Variants in GALNTL6 observed in about 807,000 individuals in gnomAD.
GALNTL6 encodes the protein polypeptide N-acetylgalactosaminyltransferase like 6.
GALNTL6 carries 46 observed loss-of-function variants against 73.7 expected under a neutral mutation model. That is an observed-to-expected ratio of 0.62 (90% confidence interval 0.49 to 0.80). The LOEUF is 0.80. GALNTL6 is among the 30% of genes least tolerant of loss of function. GALNTL6 has a pLI of 0.00. For missense variants in GALNTL6, 604 were observed against 755.0 expected (o/e 0.80, Z 2.34); for synonymous variants, 259 against 263.7 (o/e 0.98, Z 0.17).
At chr4:171,897,815 C>G (rs1736970734) in intron 2 of GALNTL6, among the ~76,000 whole-genome samples, 2 of 151,072 alleles carry the variant, frequency 1.3e-5, no homozygotes, top group Non-Finnish European at 2.9e-5. Context: ...ATAATCCCAG[C>G]TACTCGGGAG....
At chr4:172,290,479 T>G (rs543166254) in intron 3 of GALNTL6, among the ~76,000 whole-genome samples, 59 of 152,266 alleles carry the variant, frequency 3.9e-4, no homozygotes, top group African/African-American at 1.4e-3. Context: ...GAATCTCACC[T>G]AGCCCTTAGG....
At chr4:171,882,928 G>A (rs1316778492) in intron 2 of GALNTL6, among the ~76,000 whole-genome samples, 1 of 152,174 alleles carries the variant, frequency 6.6e-6, no homozygotes, top group Non-Finnish European at 1.5e-5. Context: ...CAGTAAATTG[G>A]TAATGCAATT....
At chr4:172,481,243 C>T (rs1005978863) in intron 5 of GALNTL6, among the ~76,000 whole-genome samples, 1 of 150,648 alleles carries the variant, frequency 6.6e-6, no homozygotes, top group South Asian at 2.1e-4. Flanking sequence ...TTCCTCCCGA[C>T]CCGAGTTGTT....
At chr4:171,985,651 C>A (rs570396744) in intron 2 of GALNTL6, among the ~76,000 whole-genome samples, 58 of 152,040 alleles carry the variant, frequency 3.8e-4, no homozygotes, top group Middle Eastern at 3.4e-3. Flanking sequence ...GAATTCCAGG[C>A]ATTTTGATGT....
At chr4:172,700,606 A>G (rs1284679063) in intron 5 of GALNTL6, among the ~76,000 whole-genome samples, 1 of 152,122 alleles carries the variant, frequency 6.6e-6, no homozygotes, top group African/African-American at 2.4e-5. Context: ...TTCCACAATC[A>G]GCCATCCAGT....
At chr4:172,665,822 TTTG>T (rs1323821227) in intron 5 of GALNTL6, among the ~76,000 whole-genome samples, 4 of 152,206 alleles carry the variant, frequency 2.6e-5, no homozygotes, top group Non-Finnish European at 5.9e-5. Context: ...ACTAATGATT[TTTG>T]TTATTTTTTT....
chr4:172,496,523 C>T (rs1734077360), intron 5 of GALNTL6, among the ~76,000 whole-genome samples: 1 of 151,754 alleles, frequency 6.6e-6, no homozygotes, highest in African/African-American at 2.4e-5. Context: ...GATATCATAG[C>T]TACAAAATAA....
chr4:171,961,874 T>C (rs1263253880), intron 2 of GALNTL6, among the ~76,000 whole-genome samples: 1 of 152,208 alleles, frequency 6.6e-6, no homozygotes, highest in Non-Finnish European at 1.5e-5. Context: ...TAGAAAGCCT[T>C]CTTAATTAGT....
intron 10 of GALNTL6, among the ~76,000 whole-genome samples, chr4:172,963,042 C>G (rs1750155487): frequency 6.6e-6 from 1 of 152,112 alleles, no homozygotes; most frequent in Non-Finnish European, 1.5e-5. Context: ...CTATAAGATT[C>G]TAAACAATCT....
chr4:172,589,100 G>A (rs1737539131), intron 5 of GALNTL6, among the ~76,000 whole-genome samples: 1 of 152,084 alleles, frequency 6.6e-6, no homozygotes, highest in South Asian at 2.1e-4. Context: ...AGAAAAATAT[G>A]TATGGAACAT....
At chr4:171,979,365 A>G (rs866737617) in intron 2 of GALNTL6, among the ~76,000 whole-genome samples, 1 of 152,218 alleles carries the variant, frequency 6.6e-6, no homozygotes, top group Non-Finnish European at 1.5e-5. Flanking sequence ...CTTTCAAAAC[A>G]TATAACAATG....
chr4:172,156,190 T>A (rs1041680795), intron 2 of GALNTL6, among the ~76,000 whole-genome samples: 21 of 152,046 alleles, frequency 1.4e-4, no homozygotes, highest in Non-Finnish European at 2.5e-4. Context: ...TGCTACGTAG[T>A]ACCTTGACAG....
intron 10 of GALNTL6, among the ~76,000 whole-genome samples, chr4:172,956,981 G>A (rs947206271): frequency 1.2e-4 from 18 of 152,310 alleles, no homozygotes; most frequent in African/African-American, 2.4e-4. Flanking sequence ...GAGGAATTAC[G>A]TCTGACAGAA....
At chr4:173,012,575 C>T (rs1579780539) in intron 11 of GALNTL6, among the ~76,000 whole-genome samples, 1 of 152,282 alleles carries the variant, frequency 6.6e-6, no homozygotes, top group South Asian at 2.1e-4. Flanking sequence ...AACCATGTGG[C>T]CTTGTGAAGT....
chr4:172,808,105 G>A lies in GALNTL6; in HGVS notation c.554-1256G>A, dbSNP rs1223861230. Among the ~76,000 whole-genome samples, 4 of 152,160 alleles carry A rather than the reference G, an allele frequency of 2.6e-5. No homozygotes were observed. In the East Asian group the frequency reaches 7.7e-4, roughly 29 times the overall value. Reference sequence around the variant, plus strand: ...CCCAAAGTGCTGAGATTACAGGCATGAGCCACCATGCCCGGCCCCATCTGT... The same window carrying A: ...CCCAAAGTGCTGAGATTACAGGCATAAGCCACCATGCCCGGCCCCATCTGT... On this transcript the variant is annotated intron_variant, in intron 5 of 12. Transcript: ENST00000506823.
At chr4:172,931,419 A>T (rs956547052) in intron 9 of GALNTL6, 151 bp downstream of exon 9, 10 of 617,590 alleles carry the variant, frequency 1.6e-5, no homozygotes, top group Non-Finnish European at 2.9e-5. Flanking sequence ...TGCTTAAAGA[A>T]GTATTAACTA....
At chr4:171,917,433 T>C (rs533800540) in intron 2 of GALNTL6, among the ~76,000 whole-genome samples, 1 of 152,230 alleles carries the variant, frequency 6.6e-6, no homozygotes, top group Admixed American at 6.5e-5. Context: ...TTAATAAGAC[T>C]AAGTAAATCA....
intron 9 of GALNTL6, among the ~76,000 whole-genome samples, chr4:172,933,502 C>T (rs1329921565): frequency 1.3e-5 from 2 of 151,912 alleles, no homozygotes; most frequent in Non-Finnish European, 2.9e-5. Context: ...GAAAAAAGTC[C>T]ATAATTCTGA....
At chr4:172,283,355 A>T (rs1014579166) in intron 3 of GALNTL6, among the ~76,000 whole-genome samples, 1 of 152,226 alleles carries the variant, frequency 6.6e-6, no homozygotes, top group African/African-American at 2.4e-5. Flanking sequence ...AATTAGATGT[A>T]CTAATAATAG....
Sources: gnomAD v4.1 joint callset for allele counts (sites outside exome capture counted in the v4.1 genomes callset) on GRCh38, gnomAD v4.1.1 for gene constraint, MANE v1.5 for transcripts, NCBI Gene and HGNC (gene_info 2026-07-23, HGNC 2026-07-21) for gene names.